ERI1: variants seen among roughly 807,000 people sequenced by gnomAD.
ERI1 encodes exoribonuclease 1.
In ERI1, 39 loss-of-function variants were observed where a neutral mutation model predicts 39.7. The observed-to-expected ratio is 0.98, with a 90% CI of 0.76 to 1.28. ERI1 has a LOEUF of 1.28. ERI1 is among the 50% of genes most tolerant of loss of function. The pLI is 0.00. For synonymous variants in ERI1, 204 were observed against 149.6 expected, an observed-to-expected ratio of 1.36 and a Z score of -2.65; for missense variants, 581 against 416.9, an observed-to-expected ratio of 1.39 and a Z score of -3.43.
chr8:9,035,760 G>C (rs1278560307), downstream of ERI1, among the ~76,000 whole-genome samples: 1 of 152,222 alleles, frequency 6.6e-6, no homozygotes, highest in Non-Finnish European at 1.5e-5. Flanking sequence ...TAAGGCTGTA[G>C]TTAGCATAGG....
chr8:9,084,307 C>T (rs1268459775), intron 3 of ERI1, among the ~76,000 whole-genome samples: 1 of 152,140 alleles, frequency 6.6e-6, no homozygotes, highest in Non-Finnish European at 1.5e-5. Flanking sequence ...CATTTTTGTC[C>T]ATTCCAACTA....
At chr8:9,061,492 A>G (rs184035254) in intron 3 of ERI1, among the ~76,000 whole-genome samples, 39 of 152,342 alleles carry the variant, frequency 2.6e-4, no homozygotes, top group Non-Finnish European at 4.7e-4. Flanking sequence ...GTGATTTTAA[A>G]GGTCTCTGAA....
chr8:9,062,983 G>T lies in ERI1; in HGVS notation n.299+42519G>T, dbSNP rs549423234. ...GGAGTTCTTGTGTGCTGGAGATGTGGCTGGGGTTTGTCTCACAGTGGAGGC... is the reference window on the plus strand; with the variant it reads ...GGAGTTCTTGTGTGCTGGAGATGTGTCTGGGGTTTGTCTCACAGTGGAGGC... On this transcript the variant is annotated intron_variant and non_coding_transcript_variant, in intron 3 of 3. Coordinates refer to the ERI1 transcript ENST00000518663. Among the ~76,000 whole-genome samples the T allele has an allele frequency of 4.3e-3, 657 of 152,242 alleles. 3 individuals carry two copies. The highest frequency in any genetic ancestry group is 4.9e-3 in the Non-Finnish European group (333 of 68,008).
At chr8:9,053,044 T>G (rs1554525411) in intron 3 of ERI1, among the ~76,000 whole-genome samples, 1 of 152,078 alleles carries the variant, frequency 6.6e-6, no homozygotes, top group Non-Finnish European at 1.5e-5. Context: ...TGAGACGGAG[T>G]CTTGCTCTGT....
chr8:9,004,388 T>G lies in ERI1; in HGVS notation c.108+1217T>G. On this transcript the variant is annotated intron_variant, in intron 1 of 6. Coordinates refer to ENST00000250263, the MANE Select transcript of ERI1 (RefSeq NM_153332.4). ...CTTTATATTTGAAAGTCTTGACACTTTTACAGCTACTTAAGGCCTAGGTCT... is the reference window on the plus strand; with the variant it reads ...CTTTATATTTGAAAGTCTTGACACTGTTACAGCTACTTAAGGCCTAGGTCT... The G allele has an allele frequency of 4.1e-6, 3 of 726,898 alleles. No homozygotes were observed. The South Asian group carries it at 9.2e-5, about 22-fold the overall frequency. The allele number at this position is 726,898 out of a possible 1,614,324, so 45.0% of individuals were successfully genotyped here. A position where few individuals can be genotyped will look rare whatever the true frequency, so the allele number is the denominator to read the frequency against.
intron 3 of ERI1, among the ~76,000 whole-genome samples, chr8:9,038,540 G>C (rs1407405861): frequency 6.6e-6 from 1 of 152,190 alleles, no homozygotes; most frequent in Non-Finnish European, 1.5e-5. Context: ...TGGGTGGATT[G>C]CTTGAGCTCA....
chr8:9,096,125 G>C (rs906336974), intron 3 of ERI1, among the ~76,000 whole-genome samples: 19 of 152,336 alleles, frequency 1.2e-4, no homozygotes, highest in Middle Eastern at 3.4e-3. Flanking sequence ...TGAGGTTCAA[G>C]TACAAACTCT....
At chr8:9,091,430 A>T (rs1173996730) in intron 3 of ERI1, 1 of 152,004 alleles carries the variant, frequency 6.6e-6, no homozygotes, top group Non-Finnish European at 1.5e-5. Flanking sequence ...CTGAGGCAGG[A>T]GAATGGCTTG....
chr8:9,040,348 C>T (rs1017550672), intron 3 of ERI1, among the ~76,000 whole-genome samples: 1 of 152,186 alleles, frequency 6.6e-6, no homozygotes, highest in Non-Finnish European at 1.5e-5. Context: ...TCACAAAGCC[C>T]TAAGGCCTTA....
chr8:9,012,420 T>C lies in ERI1; in HGVS notation c.498+668T>C, dbSNP rs80334407. Among the ~76,000 whole-genome samples the C allele has an allele frequency of 8.8e-3, 1,348 of 152,326 alleles. 20 individuals are homozygous for C. The highest frequency in any genetic ancestry group is 0.031 in the African/African-American group (1,294 of 41,578). ...GCAAGAATATCCTAACATCTCAACTTTCCAAAAGTCACTTCTGTGATATCC... is the reference window on the plus strand; with the variant it reads ...GCAAGAATATCCTAACATCTCAACTCTCCAAAAGTCACTTCTGTGATATCC... On this transcript the variant is annotated intron_variant, in intron 3 of 6. Transcript: ENST00000250263.
chr8:9,026,715 G>C (rs1797189877), intron 6 of ERI1, among the ~76,000 whole-genome samples: 1 of 152,148 alleles, frequency 6.6e-6, no homozygotes, highest in African/African-American at 2.4e-5. Context: ...AGCATTTCAG[G>C]TTTTGGAATT....
chr8:9,018,083 T>G (rs2953808), intron 4 of ERI1, among the ~76,000 whole-genome samples: 133,726 of 152,172 alleles, frequency 0.88, 58,970 homozygotes, highest in Non-Finnish European at 0.92. Context: ...AGGATTATAC[T>G]TTTCAGTTGA....
chr8:9,069,716 T>G (rs891582130), intron 3 of ERI1, among the ~76,000 whole-genome samples: 6 of 151,992 alleles, frequency 3.9e-5, no homozygotes, highest in Admixed American at 3.3e-4. Flanking sequence ...ACCCCCTGAA[T>G]CTGGAATAAA....
chr8:9,028,410 T>C (rs973217585), intron 6 of ERI1, among the ~76,000 whole-genome samples: 2 of 152,194 alleles, frequency 1.3e-5, no homozygotes, highest in Admixed American at 6.5e-5. Flanking sequence ...AGGTACAGGG[T>C]ATATTGCAGT....
At chr8:9,042,785 C>T (rs912583138) in intron 3 of ERI1, among the ~76,000 whole-genome samples, 4 of 152,090 alleles carry the variant, frequency 2.6e-5, no homozygotes, top group African/African-American at 7.2e-5. Flanking sequence ...TGATGCTCAA[C>T]GAATAAATAT....
intron 3 of ERI1, among the ~76,000 whole-genome samples, chr8:9,085,381 G>A (rs552628368): frequency 2.4e-4 from 37 of 152,116 alleles, no homozygotes; most frequent in Non-Finnish European, 5.0e-4. Flanking sequence ...GCTAATTTTT[G>A]TATTTTTAGT....
At chr8:9,055,531 G>A (rs966654427) in intron 3 of ERI1, among the ~76,000 whole-genome samples, 6 of 152,160 alleles carry the variant, frequency 3.9e-5, no homozygotes, top group African/African-American at 1.4e-4. Flanking sequence ...ATGGCCGGCT[G>A]ATACATTGAC....
rs1798551028 is a variant in ERI1 at position 9,057,638 on chromosome 8, C to T, written n.299+37174C>T. ...AAAAAGACAAAAATCCCTCTTTGTA[C>T]GGACTGTACATTCTAGTGAGGAGAG... On this transcript the variant is annotated intron_variant and non_coding_transcript_variant, in intron 3 of 3. Transcript: ENST00000518663. Among the ~76,000 whole-genome samples, 8 of 152,284 alleles carry T rather than the reference C, an allele frequency of 5.3e-5. No individual in the cohort carries two copies. In the South Asian group the frequency reaches 1.2e-3, roughly 24 times the overall value.
chr8:9,078,047 T>C (rs958682350), intron 3 of ERI1, among the ~76,000 whole-genome samples: 2 of 152,196 alleles, frequency 1.3e-5, no homozygotes, highest in African/African-American at 4.8e-5. Context: ...TGGAATGCAG[T>C]GGAGTGATCT....
Sources: gnomAD v4.1 joint callset for allele counts (sites outside exome capture counted in the v4.1 genomes callset) on GRCh38, gnomAD v4.1.1 for gene constraint, MANE v1.5 for transcripts, NCBI Gene and HGNC (gene_info 2026-07-23, HGNC 2026-07-21) for gene names.